The following ZCCHC2 variants were observed in gnomAD, a reference collection of about 807,000 sequenced individuals.
The protein encoded by ZCCHC2 is zinc finger CCHC-type containing 2.
Under a neutral mutation model 103.6 loss-of-function variants are expected in ZCCHC2, and 39 were observed. The observed-to-expected ratio is 0.38, with a 90% confidence interval of 0.29 to 0.49. The LOEUF (loss-of-function observed/expected upper bound fraction) is 0.49. Ranked by LOEUF, ZCCHC2 falls within the 20% of genes least tolerant of loss-of-function variation. The pLI is 0.96. For synonymous variants in ZCCHC2, 687 were observed against 608.9 expected (o/e 1.13, Z -1.89); for missense variants, 1,483 against 1,491.0 (o/e 0.99, Z 0.09).
At chr18:62,554,187 T>C (rs946284687) in intron 5 of ZCCHC2, among the ~76,000 whole-genome samples, 2 of 152,238 alleles carry the variant, frequency 1.3e-5, no homozygotes, top group African/African-American at 4.8e-5. Flanking sequence ...TCAGGACACT[T>C]CCTTCTCAGT....
intron 5 of ZCCHC2, among the ~76,000 whole-genome samples, chr18:62,552,979 T>C (rs1339883268): frequency 6.6e-6 from 1 of 152,128 alleles, no homozygotes; most frequent in Non-Finnish European, 1.5e-5. Flanking sequence ...CTCTTGTGCA[T>C]GTCTGTGTCT....
In ZCCHC2 at chr18:62,524,060, C is replaced by T. The variant is rs1427952644; in HGVS notation, c.636C>T (p.Gly212=). Reference sequence around the variant, plus strand: ...GCCTGCGCGCGGCCCGGGGCGAGGGCTCGCGGGGCGGCGCGGAGGACGAGC... The same window carrying T: ...GCCTGCGCGCGGCCCGGGGCGAGGGTTCGCGGGGCGGCGCGGAGGACGAGC... The part of the protein sequence containing the change: ...LKSLRAARGE[G]SRGGAEDERG... The change falls in exon 1 of 14, where the codon GGC becomes GGT. Residue 212 remains glycine (G), a synonymous_variant. Transcript: ENST00000269499. 2.0e-6 allele frequency: 3 copies of T among 1,482,098 alleles called. No homozygotes were observed. Among genetic ancestry groups the T allele is most frequent in the African/African-American group, 2.9e-5 (2 of 67,920 alleles). 91.8% of individuals were successfully genotyped at this position (1,482,098 alleles called of 1,614,324 possible).
chr18:62,545,979 G>T (rs1057204734), intron 4 of ZCCHC2, among the ~76,000 whole-genome samples: 5 of 152,206 alleles, frequency 3.3e-5, no homozygotes, highest in Non-Finnish European at 7.3e-5. Flanking sequence ...TAGTCCCTGT[G>T]AATGAAGTAG....
Position 62,576,758 on chromosome 18 carries a change from G to A in ZCCHC2, c.*179G>A, listed in dbSNP as rs1046688996. 1.6e-5 allele frequency: 9 copies of A among 574,660 alleles called. No individual in the cohort carries two copies. The highest frequency in any genetic ancestry group is 2.7e-5 in the Non-Finnish European group (9 of 327,492). 35.6% of individuals were successfully genotyped at this position (574,660 alleles called of 1,614,324 possible). A position where few individuals can be genotyped will look rare whatever the true frequency, so the allele number is the denominator to read the frequency against. Reference sequence around the variant, plus strand: ...ACAAGAAAGAATGCAATGCTTTTGAGCCTCTGGTCTCCTGGTTCAACAACA... The same window carrying A: ...ACAAGAAAGAATGCAATGCTTTTGAACCTCTGGTCTCCTGGTTCAACAACA... On this transcript the variant is annotated 3_prime_UTR_variant, in exon 14 of 14. Transcript: ENST00000269499.
intron 7 of ZCCHC2, 59 bp from the exon 8 acceptor site, chr18:62,560,528 C>A: frequency 7.2e-7 from 1 of 1,386,706 alleles, no homozygotes; most frequent in South Asian, 1.2e-5. Context: ...TAGTAGCATC[C>A]TACTGTTGGT....
rs1167058706 is a variant in ZCCHC2 at position 62,574,917 on chromosome 18, G to A, written c.2836G>A (p.Ala946Thr). The change falls in exon 13 of 14, where the codon GCG becomes ACG. Residue 946 changes from alanine (A) to threonine (T), a missense_variant. By Grantham distance (58) the Ala-to-Thr change is moderately conservative. Around this residue, in one of 3 missense-constraint regions of ZCCHC2, gnomAD observed 884 missense variants for 907.5 expected, o/e 0.97. Coordinates refer to ENST00000269499, the MANE Select transcript of ZCCHC2 (RefSeq NM_017742.6). ...LSTAATSPQP[A>T]SAGISQAQAT... ...CACAGCAGCAACTTCTCCCCAGCCA[G>A]CGAGCGCAGGTATCAGCCAGGCCCA... 1 of 1,613,780 alleles carries A rather than the reference G, an allele frequency of 6.2e-7. No individual in the cohort carries two copies. The highest frequency in any genetic ancestry group is 1.1e-5 in the South Asian group (1 of 91,076).
Position 62,527,019 on chromosome 18 carries a change from C to G in ZCCHC2, c.939+2656C>G, listed in dbSNP as rs1290422368. 6.8e-5 allele frequency: 4 copies of G among 59,256 alleles called. 1 individual carries two copies. The highest frequency in any genetic ancestry group is 1.1e-4 in the Non-Finnish European group (3 of 27,972). 3.7% of individuals were successfully genotyped at this position (59,256 alleles called of 1,614,324 possible). A position where few individuals can be genotyped will look rare whatever the true frequency, so the allele number is the denominator to read the frequency against. On this transcript the variant is annotated intron_variant, in intron 1 of 13. Coordinates refer to ENST00000269499, the MANE Select transcript of ZCCHC2 (RefSeq NM_017742.6). ...TCGTGTGGCAGCATTTCCCCCGCCC[C>G]CCCCCCCCCCGAAAGTAACCTTTTA...
At chr18:62,528,265 A>T (rs1441857240) in intron 1 of ZCCHC2, among the ~76,000 whole-genome samples, 1 of 152,260 alleles carries the variant, frequency 6.6e-6, no homozygotes, top group East Asian at 1.9e-4. Context: ...TCAAGTAGCC[A>T]TGAGTCCTTC....
At position 62,577,670 on chromosome 18, in the gene ZCCHC2, T is replaced by A. The variant is rs1322904138; in HGVS notation, c.*1091T>A. 1.3e-5 allele frequency: 2 copies of A among 152,564 alleles called. No homozygotes were observed. The highest frequency in any genetic ancestry group is 4.8e-5 in the African/African-American group (2 of 41,408). 9.5% of individuals were successfully genotyped at this position (152,564 alleles called of 1,614,324 possible). On this transcript the variant is annotated 3_prime_UTR_variant, in exon 14 of 14. Transcript: ENST00000269499. ...AGTTTACCACTATGCTTGATTATAA[T>A]GTGAAAGGCGGAATTCTGAGTGTGT...
Position 62,524,075 on chromosome 18 carries a change from G to C in ZCCHC2, c.651G>C (p.Ala217=). The C allele has an allele frequency of 1.3e-6, 2 of 1,502,344 alleles. No homozygotes were observed. The highest frequency in any genetic ancestry group is 1.9e-4 in the Middle Eastern group (1 of 5,168). 93.1% of individuals were successfully genotyped at this position (1,502,344 alleles called of 1,614,324 possible). A position where few individuals can be genotyped will look rare whatever the true frequency, so the allele number is the denominator to read the frequency against. ...GGGGCGAGGGCTCGCGGGGCGGCGC[G>C]GAGGACGAGCGCGGCGAGGACGGCG... ...AARGEGSRGG[A]EDERGEDGDG... The change falls in exon 1 of 14, where the codon GCG becomes GCC. Residue 217 remains alanine (A), a synonymous_variant. Coordinates refer to ENST00000269499, the MANE Select transcript of ZCCHC2 (RefSeq NM_017742.6).
chr18:62,569,663 A>G (rs1916515147), intron 11 of ZCCHC2, among the ~76,000 whole-genome samples: 1 of 152,104 alleles, frequency 6.6e-6, no homozygotes, highest in Admixed American at 6.6e-5. Flanking sequence ...TCAGGGGACT[A>G]TTCAGTCTAC....
chr18:62,574,803 T>G lies in ZCCHC2; in HGVS notation c.2722T>G (p.Ser908Ala). ...VKVVLPAAGL[S>A]AAQPPASYPL... The stretch of plus-strand genomic sequence containing the variant: ...GGTAGTTCTTCCAGCAGCTGGCCTC[T>G]CAGCTGCTCAGCCACCAGCTTCCTA... The change falls in exon 13 of 14, where the codon TCA becomes GCA. Residue 908 changes from serine (S) to alanine (A), a missense_variant. Transcript: ENST00000269499. The G allele has an allele frequency of 6.2e-7, 1 of 1,613,956 alleles. No homozygotes were observed. Among genetic ancestry groups the G allele is most frequent in the Non-Finnish European group, 8.5e-7 (1 of 1,179,882 alleles).
At chr18:62,535,917 A>T (rs1914901859) in intron 1 of ZCCHC2, among the ~76,000 whole-genome samples, 1 of 152,250 alleles carries the variant, frequency 6.6e-6, no homozygotes, top group African/African-American at 2.4e-5. Flanking sequence ...CTTTGGTTTT[A>T]AAAAATAAAA....
chr18:62,523,372 C>G lies in ZCCHC2; in HGVS notation c.-53C>G, dbSNP rs1598919001. 3.0e-6 allele frequency: 3 copies of G among 1,014,084 alleles called. No individual in the cohort carries two copies. Among genetic ancestry groups the G allele is most frequent in the Non-Finnish European group, 3.5e-6 (3 of 850,406 alleles). The allele number at this position is 1,014,084 out of a possible 1,614,324, so 62.8% of individuals were successfully genotyped here. A position where few individuals can be genotyped will look rare whatever the true frequency, so the allele number is the denominator to read the frequency against. On this transcript the variant is annotated 5_prime_UTR_variant, in exon 1 of 14. Coordinates refer to ENST00000269499, the MANE Select transcript of ZCCHC2 (RefSeq NM_017742.6). ...CGCCGCCTCGGCCCGTGCTCCACCT[C>G]GCGGCCCCTCCCGCCCGCCCCCGCT...
chr18:62,561,307 T>C (rs182067548), intron 8 of ZCCHC2, among the ~76,000 whole-genome samples: 39 of 152,368 alleles, frequency 2.6e-4, no homozygotes, highest in African/African-American at 8.4e-4. Flanking sequence ...TTCCGTGAGC[T>C]TTTGAGAGCA....
At chr18:62,560,534 T>C (rs1459953682) in intron 7 of ZCCHC2, 53 bp from the exon 8 acceptor site, 1 of 1,449,700 alleles carries the variant, frequency 6.9e-7, no homozygotes. Flanking sequence ...CATCCTACTG[T>C]TGGTTTTTGC....
At chr18:62,526,798 C>CCGCCCT (rs1353204131) in intron 1 of ZCCHC2, 19 of 152,112 alleles carry the variant, frequency 1.2e-4, no homozygotes, top group African/African-American at 3.4e-4. Flanking sequence ...CTCCCCGCCC[C>CCGCCCT]CGCCCTGCAA....
rs773556073 is a variant in ZCCHC2, at chr18:62,575,088, C to G, written c.3007C>G (p.Pro1003Ala). The change falls in exon 13 of 14, where the codon CCA becomes GCA. Residue 1003 changes from proline (P) to alanine (A), a missense_variant. Physicochemically the swap from Pro to Ala is conservative, Grantham distance 27. This residue lies in a region of ZCCHC2 where 884 missense variants were observed against 907.5 expected (regional missense o/e 0.97). Coordinates refer to ENST00000269499, the MANE Select transcript of ZCCHC2 (RefSeq NM_017742.6). ...GNTNANGTVV[P>A]PQQMGSGPCG... ...CACGAACGCTAATGGGACAGTAGTG[C>G]CACCGCAGCAGATGGGCTCAGGTCC... The G allele has an allele frequency of 3.1e-6, 5 of 1,613,886 alleles. No individual in the cohort carries two copies. The East Asian group carries it at 1.1e-4, about 36-fold the overall frequency.
chr18:62,567,538 A>G (rs768755408), intron 11 of ZCCHC2, among the ~76,000 whole-genome samples: 3 of 152,234 alleles, frequency 2.0e-5, no homozygotes, highest in Non-Finnish European at 4.4e-5. Flanking sequence ...GCCAGGACGC[A>G]GTCAGCGCCG....
Sources: allele counts gnomAD v4.1 joint callset (sites outside exome capture counted in the v4.1 genomes callset), GRCh38; gene constraint gnomAD v4.1.1; regional missense constraint gnomAD v4.1.1; transcripts MANE v1.5; gene names NCBI Gene and HGNC (gene_info 2026-07-23, HGNC 2026-07-21).